Variants in DSCAM observed in about 807,000 individuals in gnomAD.
DSCAM encodes cell adhesion molecule DSCAM.
Under a neutral mutation model 217.7 loss-of-function variants are expected in DSCAM, and 47 were observed. The observed-to-expected ratio is 0.22, with a 90% CI of 0.17 to 0.28. The LOEUF (loss-of-function observed/expected upper bound fraction) is 0.28. DSCAM is among the 10% of genes least tolerant of loss of function. DSCAM has a pLI of 1.00. For missense variants in DSCAM, 2,080 were observed against 2,618.3 expected, an observed-to-expected ratio of 0.79 and a Z score of 4.49; for synonymous variants, 1,056 against 1,015.3, an observed-to-expected ratio of 1.04 and a Z score of -0.76.
intron 4 of DSCAM, among the ~76,000 whole-genome samples, chr21:40,365,619 T>C (rs965391643): frequency 5.9e-5 from 9 of 152,114 alleles, no homozygotes; most frequent in African/African-American, 1.9e-4. Context: ...GAGACTAGAC[T>C]CCAATTTTTA....
At chr21:40,517,280 GTATT>G (rs1423264370) in intron 3 of DSCAM, among the ~76,000 whole-genome samples, 1 of 148,062 alleles carries the variant, frequency 6.8e-6, no homozygotes, top group Non-Finnish European at 1.5e-5. Flanking sequence ...TTATATTTGT[GTATT>G]TATATATTTA....
intron 28 of DSCAM, 98 bp from the exon 29 acceptor site, chr21:40,055,938 T>C: frequency 2.4e-6 from 2 of 819,970 alleles, no homozygotes; most frequent in South Asian, 3.4e-5. Context: ...TGTCTAAATA[T>C]ACAAATACCT....
chr21:40,391,744 G>A (rs960463843), intron 3 of DSCAM, among the ~76,000 whole-genome samples: 2 of 152,196 alleles, frequency 1.3e-5, no homozygotes, highest in East Asian at 1.9e-4. Flanking sequence ...ATTTAGAGAA[G>A]TGTATTACCA....
At chr21:40,142,403 A>G (rs531791662) in intron 18 of DSCAM, among the ~76,000 whole-genome samples, 155 bp downstream of exon 18, 2 of 152,302 alleles carry the variant, frequency 1.3e-5, no homozygotes, top group Non-Finnish European at 2.9e-5. Flanking sequence ...ACCTGTTCAA[A>G]TGTCAGATGA....
chr21:40,767,542 A>G (rs1013847720), intron 1 of DSCAM, among the ~76,000 whole-genome samples: 1 of 152,216 alleles, frequency 6.6e-6, no homozygotes, highest in Non-Finnish European at 1.5e-5. Flanking sequence ...TTCTCCAGCT[A>G]GGATGGGAGG....
chr21:40,058,979 A>G (rs1007741204), intron 28 of DSCAM, among the ~76,000 whole-genome samples: 6 of 152,178 alleles, frequency 3.9e-5, no homozygotes, highest in Admixed American at 3.9e-4. Flanking sequence ...ATAAAATGAG[A>G]AGAAGAGGAG....
In DSCAM at chr21:40,011,595, A is replaced by C. The variant is rs1351932111; in HGVS notation, c.*1439T>G. ...TGGAATGGAGTGTTGCAGCCAGGGG[A>C]GGATTACATCCTCTTTCATAAAGCA... is the stretch of plus-strand genomic sequence containing the variant. On this transcript the variant is annotated 3_prime_UTR_variant, in exon 33 of 33. Coordinates refer to ENST00000400454, the MANE Select transcript of DSCAM (RefSeq NM_001389.5). 1 of 141,008 alleles carries C rather than the reference A, an allele frequency of 7.1e-6. No individual in the cohort carries two copies. The highest frequency in any genetic ancestry group is 2.7e-5 in the African/African-American group (1 of 37,690). The allele number at this position is 141,008 out of a possible 1,614,324, so 8.7% of individuals were successfully genotyped here.
At chr21:40,549,088 C>T (rs1323819728) in intron 3 of DSCAM, among the ~76,000 whole-genome samples, 1 of 152,044 alleles carries the variant, frequency 6.6e-6, no homozygotes, top group Non-Finnish European at 1.5e-5. Flanking sequence ...GCCCGAGGTC[C>T]CAGCTACTCT....
intron 3 of DSCAM, among the ~76,000 whole-genome samples, chr21:40,455,398 TA>T (rs931405237): frequency 6.6e-6 from 1 of 151,836 alleles, no homozygotes; most frequent in East Asian, 1.9e-4. Flanking sequence ...AATTAAAAAA[TA>T]AAAAAACTGA....
At chr21:40,348,084 A>G (rs949591819) in intron 5 of DSCAM, 139 bp from the exon 6 acceptor site, 9 of 659,900 alleles carry the variant, frequency 1.4e-5, no homozygotes, top group South Asian at 9.7e-5. Flanking sequence ...CATTATTGCA[A>G]TCATACTCCA....
intron 3 of DSCAM, among the ~76,000 whole-genome samples, chr21:40,461,957 T>C (rs2222973): frequency 0.36 from 54,195 of 152,082 alleles, 10,878 homozygotes; most frequent in African/African-American, 0.53. Context: ...CATTTAACGC[T>C]CTGGACTTCT....
At chr21:40,286,558 G>C (rs1028498593) in intron 10 of DSCAM, among the ~76,000 whole-genome samples, 3 of 152,208 alleles carry the variant, frequency 2.0e-5, no homozygotes, top group African/African-American at 7.2e-5. Flanking sequence ...TAAACCCCCT[G>C]CTTTCCCAGA....
chr21:40,337,576 C>T (rs1275055841), intron 8 of DSCAM, among the ~76,000 whole-genome samples: 1 of 152,080 alleles, frequency 6.6e-6, no homozygotes, highest in Non-Finnish European at 1.5e-5. Flanking sequence ...CCATGACAGT[C>T]CATGTCATGA....
rs2074089675 is a variant in DSCAM at position 40,307,312 on chromosome 21, G to T, written c.2062+4769C>A. 3.3e-5 allele frequency among the ~76,000 whole-genome samples: 5 copies of T among 151,962 alleles called. No individual in the cohort carries two copies. The South Asian group carries it at 1.0e-3, about 32-fold the overall frequency. ...CTTCTCAAAAGAAGACATTTATGCA[G>T]CCAAAAAACACATGAAAAAATGCTC... On this transcript the variant is annotated intron_variant, in intron 9 of 32. Transcript: ENST00000400454.
intron 3 of DSCAM, among the ~76,000 whole-genome samples, chr21:40,582,660 T>C (rs2076914742): frequency 6.6e-6 from 1 of 151,766 alleles, no homozygotes; most frequent in Non-Finnish European, 1.5e-5. Context: ...GTACATATAC[T>C]ATGTACATAA....
intron 8 of DSCAM, among the ~76,000 whole-genome samples, chr21:40,316,736 G>T (rs2074201191): frequency 6.6e-6 from 1 of 152,086 alleles, no homozygotes; most frequent in Non-Finnish European, 1.5e-5. Flanking sequence ...CTACATAATG[G>T]CGGGGGTCCT....
chr21:40,839,675 G>T (rs1008056741), intron 1 of DSCAM, among the ~76,000 whole-genome samples: 13 of 151,974 alleles, frequency 8.6e-5, no homozygotes, highest in Non-Finnish European at 1.5e-5. Flanking sequence ...ATGCTGTACA[G>T]AGCTGGGACG....
chr21:40,415,566 G>T (rs957847850), intron 3 of DSCAM, among the ~76,000 whole-genome samples: 1 of 152,252 alleles, frequency 6.6e-6, no homozygotes, highest in Non-Finnish European at 1.5e-5. Flanking sequence ...TACTGGAAGA[G>T]AAATCTAGAA....
At chr21:40,775,729 C>G (rs896190769) in intron 1 of DSCAM, among the ~76,000 whole-genome samples, 1 of 152,130 alleles carries the variant, frequency 6.6e-6, no homozygotes, top group Non-Finnish European at 1.5e-5. Flanking sequence ...GACACATCGT[C>G]GGCATCCCTG....
Sources: allele counts gnomAD v4.1 joint callset (sites outside exome capture counted in the v4.1 genomes callset), GRCh38; gene constraint gnomAD v4.1.1; transcripts MANE v1.5; gene names NCBI Gene and HGNC (gene_info 2026-07-23, HGNC 2026-07-21).